DPH5: variants seen among roughly 807,000 people sequenced by gnomAD.
DPH5 encodes diphthine methyl ester synthase.
DPH5 carries 31 observed loss-of-function variants against 31.6 expected under a neutral mutation model. The ratio of observed to expected loss-of-function variants is 0.98; its 90% confidence interval spans 0.74 to 1.32. The LOEUF is 1.32. Ranked by LOEUF, DPH5 falls within the 40% of genes most tolerant of loss-of-function variation. The pLI is 0.00. For synonymous variants in DPH5, 120 were observed against 115.0 expected, an observed-to-expected ratio of 1.04 and a Z score of -0.28; for missense variants, 309 against 335.7, an observed-to-expected ratio of 0.92 and a Z score of 0.62.
intron 2 of DPH5, among the ~76,000 whole-genome samples, chr1:101,024,595 A>AT: frequency 6.6e-6 from 1 of 152,158 alleles, no homozygotes; most frequent in East Asian, 1.9e-4. Flanking sequence ...CCCTCCTCCC[A>AT]TAACATATGT....
chr1:101,005,956 G>A (rs893822150), intron 4 of DPH5, among the ~76,000 whole-genome samples: 2 of 152,124 alleles, frequency 1.3e-5, no homozygotes, highest in Admixed American at 6.5e-5. Flanking sequence ...TGCTGTTCTC[G>A]TGATAGTGAG....
chr1:101,016,447 CTTTTTTTT>C (rs576540490), intron 3 of DPH5, among the ~76,000 whole-genome samples: 1,436 of 140,428 alleles, frequency 0.01, 26 homozygotes, highest in African/African-American at 0.036. Flanking sequence ...TTCTTTCTTT[CTTTTTTTT>C]TTTTTTTGAC....
At chr1:101,009,932 G>C (rs1659508829) in intron 4 of DPH5, among the ~76,000 whole-genome samples, 1 of 152,092 alleles carries the variant, frequency 6.6e-6, no homozygotes, top group African/African-American at 2.4e-5. Context: ...CCTCTGTATG[G>C]AATATGCTAG....
At chr1:100,993,496 G>A (rs1303881431) in intron 6 of DPH5, among the ~76,000 whole-genome samples, 2 of 145,782 alleles carry the variant, frequency 1.4e-5, no homozygotes, top group Non-Finnish European at 3.0e-5. Context: ...AGGTTGCAGC[G>A]AGCTGAGATG....
At chr1:101,019,083 G>A (rs185076823) in intron 3 of DPH5, among the ~76,000 whole-genome samples, 4 of 152,228 alleles carry the variant, frequency 2.6e-5, no homozygotes, top group African/African-American at 7.2e-5. Context: ...TTGAAATACA[G>A]AATGGAATAA....
chr1:100,994,540 CTTT>C (rs869229716), intron 6 of DPH5, among the ~76,000 whole-genome samples: 2 of 142,516 alleles, frequency 1.4e-5, no homozygotes, highest in Non-Finnish European at 3.1e-5. Flanking sequence ...AAACCCATGC[CTTT>C]TTTTTTTTTT....
At chr1:100,996,672 C>A (rs889641996) in intron 5 of DPH5, among the ~76,000 whole-genome samples, 7 of 152,186 alleles carry the variant, frequency 4.6e-5, no homozygotes, top group Non-Finnish European at 1.0e-4. Flanking sequence ...ACTCTCTGGG[C>A]AACGTAAGTC....
At chr1:101,004,654 C>A (rs1233022959) in intron 4 of DPH5, among the ~76,000 whole-genome samples, 2 of 152,116 alleles carry the variant, frequency 1.3e-5, no homozygotes, top group African/African-American at 4.8e-5. Flanking sequence ...TCAAGAAAGA[C>A]AATAGTAGGT....
At chr1:101,008,221 A>T (rs1296628502) in intron 4 of DPH5, among the ~76,000 whole-genome samples, 1 of 152,224 alleles carries the variant, frequency 6.6e-6, no homozygotes, top group African/African-American at 2.4e-5. Flanking sequence ...TTCTAAATGA[A>T]CTACTCTTAA....
At chr1:101,024,197 C>G (rs1427424648) in intron 2 of DPH5, among the ~76,000 whole-genome samples, 1 of 152,086 alleles carries the variant, frequency 6.6e-6, no homozygotes, top group Non-Finnish European at 1.5e-5. Flanking sequence ...TCACTAGAGT[C>G]CAGGAACTTG....
intron 3 of DPH5, among the ~76,000 whole-genome samples, chr1:101,016,447 CTTTT>C (rs576540490): frequency 2.0e-4 from 28 of 140,408 alleles, no homozygotes; most frequent in African/African-American, 6.3e-4. Flanking sequence ...TTCTTTCTTT[CTTTT>C]TTTTTTTTTT....
rs1455447393 is a variant in DPH5, at chr1:101,021,573, T to C, written c.260+68A>G. 22 of 1,506,292 alleles carry C rather than the reference T, an allele frequency of 1.5e-5. No homozygotes were observed. The Middle Eastern group carries it at 7.1e-4, about 48-fold the overall frequency. 93.3% of individuals were successfully genotyped at this position (1,506,292 alleles called of 1,614,324 possible). ...TGGCAGGTAAAAGTGTTAAATGCAATAGAATAATTCTTACTGATTAAAAAA... is the reference window on the plus strand; with the variant it reads ...TGGCAGGTAAAAGTGTTAAATGCAACAGAATAATTCTTACTGATTAAAAAA... On this transcript the variant is annotated intron_variant, in intron 3 of 7. Coordinates refer to ENST00000370109, the MANE Select transcript of DPH5 (RefSeq NM_015958.3).
At chr1:101,021,852 A>ACACACG in intron 2 of DPH5, 87 bp from the exon 3 acceptor site, 1 of 1,238,788 alleles carries the variant, frequency 8.1e-7, no homozygotes, top group Admixed American at 2.3e-5. Flanking sequence ...ACACACACAC[A>ACACACG]CACACACTCT....
At chr1:101,013,902 TA>T in intron 3 of DPH5, 84 bp from the exon 4 acceptor site, 1 of 1,059,678 alleles carries the variant, frequency 9.4e-7, no homozygotes, top group Non-Finnish European at 1.4e-6. Flanking sequence ...TCATGTCAAT[TA>T]AAGAGGCAGG....
chr1:100,996,795 G>T (rs375873312), intron 5 of DPH5, among the ~76,000 whole-genome samples: 1 of 152,198 alleles, frequency 6.6e-6, no homozygotes, highest in Non-Finnish European at 1.5e-5. Flanking sequence ...CATATATATT[G>T]GTCTTGTCTT....
At chr1:101,018,852 T>C (rs1436249986) in intron 3 of DPH5, among the ~76,000 whole-genome samples, 1 of 152,194 alleles carries the variant, frequency 6.6e-6, no homozygotes, top group Admixed American at 6.5e-5. Flanking sequence ...AATTTACATG[T>C]GACAGCTTTA....
At chr1:100,995,085 A>G (rs752256732) in intron 6 of DPH5, 25 bp downstream of exon 6, 2 of 1,517,400 alleles carry the variant, frequency 1.3e-6, no homozygotes, top group Non-Finnish European at 1.8e-6. Flanking sequence ...AAACACATGT[A>G]TGCATTCTCA....
At chr1:101,007,127 T>G (rs1363282688) in intron 4 of DPH5, among the ~76,000 whole-genome samples, 2 of 152,250 alleles carry the variant, frequency 1.3e-5, no homozygotes, top group Non-Finnish European at 2.9e-5. Flanking sequence ...TTTTTTCTAA[T>G]ATTTGTTTGG....
At chr1:101,025,270 G>C in intron 2 of DPH5, 39 bp downstream of exon 2, 1 of 1,609,296 alleles carries the variant, frequency 6.2e-7, no homozygotes, top group Non-Finnish European at 8.5e-7. Context: ...ATGTTAGATA[G>C]CTTTCTTCCC....
Sources: gnomAD v4.1 joint callset for allele counts (sites outside exome capture counted in the v4.1 genomes callset) on GRCh38, gnomAD v4.1.1 for gene constraint, MANE v1.5 for transcripts, NCBI Gene and HGNC (gene_info 2026-07-23, HGNC 2026-07-21) for gene names.